Variants in HECW2 observed in about 807,000 individuals in gnomAD.
The protein encoded by HECW2 is HECT, C2 and WW domain containing E3 ubiquitin protein ligase 2.
In HECW2, 61 loss-of-function variants were observed where a neutral mutation model predicts 175.2. That is an observed-to-expected ratio of 0.35 (90% CI 0.28 to 0.43). The LOEUF is 0.43. Ranked by LOEUF, HECW2 falls within the 20% of genes least tolerant of loss-of-function variation. The pLI is 1.00. For synonymous variants in HECW2, 671 were observed against 731.0 expected (o/e 0.92, Z 1.32); for missense variants, 1,524 against 2,000.5 (o/e 0.76, Z 4.54).
At chr2:196,256,862 T>C (rs1184577437) in intron 18 of HECW2, among the ~76,000 whole-genome samples, 2 of 152,204 alleles carry the variant, frequency 1.3e-5, no homozygotes, top group Non-Finnish European at 2.9e-5. Flanking sequence ...AAGTGAAGTA[T>C]CTATAGAAAG....
At chr2:196,226,682 T>A in intron 22 of HECW2, among the ~76,000 whole-genome samples, 1 of 19,856 alleles carries the variant, frequency 5.0e-5, no homozygotes, top group Admixed American at 7.9e-4. Context: ...TGCATGAATA[T>A]TAGCAGAATT....
At chr2:196,346,124 C>A (rs1692945448) in intron 2 of HECW2, among the ~76,000 whole-genome samples, 1 of 152,198 alleles carries the variant, frequency 6.6e-6, no homozygotes, top group African/African-American at 2.4e-5. Flanking sequence ...GGAGCAAGTA[C>A]TAGAATCAAG....
intron 21 of HECW2, chr2:196,238,969 G>A (rs1032269347): frequency 1.3e-5 from 2 of 152,184 alleles, no homozygotes; most frequent in African/African-American, 4.8e-5. Flanking sequence ...AACAATGAAG[G>A]GAGGCAGCTG....
At chr2:196,218,508 T>C (rs1237029271) in intron 26 of HECW2, among the ~76,000 whole-genome samples, 2 of 152,192 alleles carry the variant, frequency 1.3e-5, no homozygotes, top group South Asian at 2.1e-4. Flanking sequence ...ATTCTATTAA[T>C]GCATTGCTAT....
chr2:196,469,438 G>A (rs946709751), intron 1 of HECW2, among the ~76,000 whole-genome samples: 1 of 152,018 alleles, frequency 6.6e-6, no homozygotes, highest in Non-Finnish European at 1.5e-5. Context: ...ACGAAGTTTA[G>A]GAGGATAGAT....
At chr2:196,289,495 C>T (rs991187078) in intron 14 of HECW2, 3 of 152,190 alleles carry the variant, frequency 2.0e-5, no homozygotes, top group Admixed American at 2.0e-4. Flanking sequence ...TTCTGGACTA[C>T]AGTGTGCTAT....
chr2:196,349,540 C>G (rs1378628), intron 2 of HECW2, among the ~76,000 whole-genome samples: 1 of 151,180 alleles, frequency 6.6e-6, no homozygotes, highest in African/African-American at 2.4e-5. Context: ...TGTGTGTGTG[C>G]GCGCGCACAC....
chr2:196,273,411 C>A (rs1486374449), intron 16 of HECW2, among the ~76,000 whole-genome samples: 1 of 152,128 alleles, frequency 6.6e-6, no homozygotes, highest in Non-Finnish European at 1.5e-5. Flanking sequence ...ATATGGCCTC[C>A]CACCAGTCTG....
At chr2:196,348,507 G>T (rs1693046352) in intron 2 of HECW2, among the ~76,000 whole-genome samples, 1 of 152,004 alleles carries the variant, frequency 6.6e-6, no homozygotes, top group African/African-American at 2.4e-5. Flanking sequence ...AATTAGCTGG[G>T]CATGGTGGCA....
intron 1 of HECW2, among the ~76,000 whole-genome samples, chr2:196,558,353 C>T (rs1689877936): frequency 6.6e-6 from 1 of 152,114 alleles, no homozygotes; most frequent in South Asian, 2.1e-4. Context: ...GATTTTGTGC[C>T]ACACCTCCTG....
chr2:196,226,625 A>G (rs1687860695), intron 22 of HECW2, among the ~76,000 whole-genome samples: 1 of 152,178 alleles, frequency 6.6e-6, no homozygotes. Flanking sequence ...ATGTTGACAG[A>G]TGAGACCTCT....
intron 10 of HECW2, among the ~76,000 whole-genome samples, chr2:196,310,165 G>A (rs981633766): frequency 1.3e-5 from 2 of 152,122 alleles, no homozygotes; most frequent in Non-Finnish European, 2.9e-5. Context: ...TTCTACAAAG[G>A]CCAGTAATAG....
intron 1 of HECW2, among the ~76,000 whole-genome samples, chr2:196,445,198 T>A (rs1696148986): frequency 6.6e-6 from 1 of 152,234 alleles, no homozygotes; most frequent in Admixed American, 6.5e-5. Context: ...GAGGACAAAT[T>A]ACTGTTTCTC....
At chr2:196,525,053 A>C (rs1434129363) in intron 1 of HECW2, among the ~76,000 whole-genome samples, 4 of 142,036 alleles carry the variant, frequency 2.8e-5, no homozygotes, top group Non-Finnish European at 6.0e-5. Context: ...TGTCTCCTTG[A>C]TCTGTCTAAT....
intron 2 of HECW2, among the ~76,000 whole-genome samples, chr2:196,365,705 A>T (rs7568978): frequency 5.3e-5 from 8 of 152,144 alleles, no homozygotes; most frequent in African/African-American, 1.9e-4. Context: ...TGTGTACAAA[A>T]TACGTGTATT....
intron 2 of HECW2, among the ~76,000 whole-genome samples, chr2:196,407,121 A>C (rs1352810603): frequency 3.3e-5 from 5 of 152,222 alleles, no homozygotes. Flanking sequence ...TTAGTCAAAG[A>C]ATACGAGCTT....
chr2:196,215,785 C>T (rs1258289087), intron 28 of HECW2, 80 bp downstream of exon 28: 1 of 959,670 alleles, frequency 1.0e-6, no homozygotes, highest in Non-Finnish European at 1.6e-6. Context: ...AATATAAAAG[C>T]AGTAATTAAT....
intron 2 of HECW2, among the ~76,000 whole-genome samples, chr2:196,405,921 C>A (rs556737314): frequency 6.6e-6 from 1 of 152,242 alleles, no homozygotes; most frequent in South Asian, 2.1e-4. Context: ...GCCCAGTGGT[C>A]GCTTCTCTGT....
chr2:196,202,840 C>G (rs1299391304), intron 28 of HECW2, among the ~76,000 whole-genome samples: 2 of 152,132 alleles, frequency 1.3e-5, no homozygotes, highest in African/African-American at 4.8e-5. Flanking sequence ...TTTCAGATTT[C>G]TTTGGAATTT....
Sources: gnomAD v4.1 joint callset for allele counts (sites outside exome capture counted in the v4.1 genomes callset) on GRCh38, gnomAD v4.1.1 for gene constraint, MANE v1.5 for transcripts, NCBI Gene and HGNC (gene_info 2026-07-23, HGNC 2026-07-21) for gene names.